RYR2: variants seen among roughly 807,000 people sequenced by gnomAD.
The protein encoded by RYR2 is cardiac muscle ryanodine receptor-calcium release channel.
In RYR2, 227 loss-of-function variants were observed where a neutral mutation model predicts 601.1. The ratio of observed to expected loss-of-function variants is 0.38; its 90% CI spans 0.34 to 0.42. The LOEUF (loss-of-function observed/expected upper bound fraction) is 0.42, where lower values mean the gene tolerates loss of function less well. Ranked by LOEUF, RYR2 falls within the 10% of genes least tolerant of loss-of-function variation. RYR2 has a pLI of 1.00. For missense variants in RYR2, 4,646 were observed against 6,156.5 expected, an observed-to-expected ratio of 0.75 and a Z score of 8.21; for synonymous variants, 2,223 against 2,175.1, an observed-to-expected ratio of 1.02 and a Z score of -0.61.
chr1:237,768,867 T>A (rs1694055000), intron 84 of RYR2, among the ~76,000 whole-genome samples: 1 of 151,990 alleles, frequency 6.6e-6, no homozygotes, highest in Admixed American at 6.6e-5. Flanking sequence ...CCCTAACCCC[T>A]CCCCTCTTCC....
intron 1 of RYR2, among the ~76,000 whole-genome samples, chr1:237,057,624 G>A (rs1414532120): frequency 6.6e-6 from 1 of 152,150 alleles, no homozygotes; most frequent in South Asian, 2.1e-4. Context: ...CACCCCATGT[G>A]CTGAAGAGGA....
intron 21 of RYR2, among the ~76,000 whole-genome samples, chr1:237,501,179 T>TG (rs1054403197): frequency 6.8e-4 from 104 of 152,040 alleles, no homozygotes; most frequent in African/African-American, 2.5e-3. Flanking sequence ...GGTGTTTTTT[T>TG]TTTTTTTTTT....
At chr1:237,501,008 C>T (rs2150478198) in intron 21 of RYR2, 105 bp downstream of exon 21, 2 of 1,114,182 alleles carry the variant, frequency 1.8e-6, no homozygotes, top group Non-Finnish European at 2.7e-6. Context: ...TTGTTTGTCT[C>T]TCCTGGGCAC....
At chr1:237,627,018 T>A (rs1679747026) in intron 40 of RYR2, among the ~76,000 whole-genome samples, 1 of 152,224 alleles carries the variant, frequency 6.6e-6, no homozygotes, top group South Asian at 2.1e-4. Context: ...TGGTAGTTTT[T>A]GTTTTTGCTT....
chr1:237,827,076 CTCTTT>C (rs898498253), intron 101 of RYR2, among the ~76,000 whole-genome samples: 2 of 152,174 alleles, frequency 1.3e-5, no homozygotes, highest in Non-Finnish European at 2.9e-5. Context: ...ATGTGACAAT[CTCTTT>C]TAAGTTCCAC....
intron 2 of RYR2, among the ~76,000 whole-genome samples, chr1:237,284,696 A>ACACACACCCC (rs1286824875): frequency 1.3e-5 from 2 of 148,164 alleles, no homozygotes; most frequent in Non-Finnish European, 3.0e-5. Context: ...ACACACACAC[A>ACACACACCCC]CCCATAAACA....
Position 237,783,919 on chromosome 1 carries a change from T to C in RYR2, c.12207T>C (p.Cys4069=), listed in dbSNP as rs756280887. The change falls in exon 90 of 105, where the codon TGT becomes TGC. Residue 4069 remains cysteine (C), a synonymous_variant. Transcript: ENST00000366574. Reference sequence around the variant, plus strand: ...CAGAAACGGAATTTCTTTTGTCTTGTGCGGAGACGGATGAGAATGAAACCC... The same window carrying C: ...CAGAAACGGAATTTCTTTTGTCTTGCGCGGAGACGGATGAGAATGAAACCC... The part of the protein sequence containing the change: ...TQSETEFLLS[C]AETDENETLD... 35 of 1,613,372 alleles carry C rather than the reference T, an allele frequency of 2.2e-5. No homozygotes were observed. Among genetic ancestry groups the C allele is most frequent in the Non-Finnish European group, 2.9e-5 (34 of 1,179,666 alleles).
chr1:237,734,866 T>G (rs2149179951), intron 79 of RYR2, among the ~76,000 whole-genome samples: 1 of 152,278 alleles, frequency 6.6e-6, no homozygotes, highest in South Asian at 2.1e-4. Flanking sequence ...GTATCTCAGG[T>G]AAGGCTTATA....
chr1:237,329,541 C>T (rs957917951), intron 2 of RYR2, among the ~76,000 whole-genome samples: 2 of 151,560 alleles, frequency 1.3e-5, no homozygotes, highest in Non-Finnish European at 2.9e-5. Context: ...ACTTGGGAGG[C>T]TGAGACAGAA....
intron 4 of RYR2, among the ~76,000 whole-genome samples, chr1:237,357,333 A>G (rs1475494362): frequency 6.6e-6 from 1 of 152,028 alleles, no homozygotes; most frequent in Non-Finnish European, 1.5e-5. Flanking sequence ...CACGTATGAC[A>G]CCTCTTTGTC....
At chr1:237,360,331 A>T (rs1034690445) in intron 4 of RYR2, among the ~76,000 whole-genome samples, 4 of 152,166 alleles carry the variant, frequency 2.6e-5, no homozygotes, top group African/African-American at 9.7e-5. Context: ...GATTTAGAGA[A>T]ATTCTCTATC....
intron 24 of RYR2, among the ~76,000 whole-genome samples, chr1:237,512,387 A>AT (rs1477732304): frequency 6.6e-6 from 1 of 152,228 alleles, no homozygotes; most frequent in East Asian, 1.9e-4. Context: ...GATTTAATAT[A>AT]TTTAAAAGAT....
chr1:237,226,640 G>A (rs1486450603), intron 1 of RYR2, among the ~76,000 whole-genome samples: 1 of 152,162 alleles, frequency 6.6e-6, no homozygotes, highest in Non-Finnish European at 1.5e-5. Flanking sequence ...TTGGCATAGA[G>A]AGGAAGTGAT....
chr1:237,530,226 G>T (rs1668000248), intron 24 of RYR2, among the ~76,000 whole-genome samples: 1 of 151,974 alleles, frequency 6.6e-6, no homozygotes, highest in South Asian at 2.1e-4. Context: ...CAGGAGAATG[G>T]CGTGAATCCG....
intron 79 of RYR2, among the ~76,000 whole-genome samples, chr1:237,740,145 G>C (rs934731026): frequency 6.6e-6 from 1 of 152,110 alleles, no homozygotes; most frequent in East Asian, 1.9e-4. Flanking sequence ...TCTATGTCAC[G>C]TGGATGCCAT....
At chr1:237,158,496 A>G (rs1044638804) in intron 1 of RYR2, among the ~76,000 whole-genome samples, 3 of 152,200 alleles carry the variant, frequency 2.0e-5, no homozygotes, top group African/African-American at 7.2e-5. Context: ...TGTTTTCCTC[A>G]TTAGACATTT....
chr1:237,071,953 G>A (rs1035759318), intron 1 of RYR2, among the ~76,000 whole-genome samples: 3 of 152,368 alleles, frequency 2.0e-5, no homozygotes, highest in South Asian at 4.1e-4. Flanking sequence ...GATAGCGCCC[G>A]GGCTCGGCTT....
intron 88 of RYR2, among the ~76,000 whole-genome samples, chr1:237,780,692 T>C (rs1164362638): frequency 6.6e-6 from 1 of 152,178 alleles, no homozygotes; most frequent in Non-Finnish European, 1.5e-5. Flanking sequence ...ACCAGAGTAA[T>C]ACTGGAAAGC....
intron 91 of RYR2, among the ~76,000 whole-genome samples, chr1:237,786,903 A>T (rs1657660311): frequency 6.6e-6 from 1 of 152,216 alleles, no homozygotes; most frequent in South Asian, 2.1e-4. Context: ...CTATTGGGTC[A>T]GTTGTAAAAA....
Sources: gnomAD v4.1 joint callset for allele counts (sites outside exome capture counted in the v4.1 genomes callset) on GRCh38, gnomAD v4.1.1 for gene constraint, MANE v1.5 for transcripts, NCBI Gene and HGNC (gene_info 2026-07-23, HGNC 2026-07-21) for gene names.